Variants in VOPP1 observed in about 807,000 individuals in gnomAD.
The protein encoded by VOPP1 is WW domain binding protein VOPP1.
A neutral mutation model predicts 23.5 loss-of-function variants in VOPP1; 8 were observed. The ratio of observed to expected loss-of-function variants is 0.34; its 90% CI spans 0.20 to 0.61. The LOEUF is 0.61. Among genes scored for constraint, VOPP1 ranks in the 20% least tolerant of loss-of-function variants. The pLI is 0.78. For missense variants in VOPP1, 174 were observed against 238.1 expected, an observed-to-expected ratio of 0.73 and a Z score of 1.77; for synonymous variants, 83 against 97.3, an observed-to-expected ratio of 0.85 and a Z score of 0.86.
At chr7:55,465,482 C>G (rs1053056419) in intron 4 of VOPP1, among the ~76,000 whole-genome samples, 2 of 152,202 alleles carry the variant, frequency 1.3e-5, no homozygotes, top group Non-Finnish European at 2.9e-5. Context: ...GAGAATGTCT[C>G]AAGAAAATTC....
chr7:55,439,073 C>T lies in VOPP1; in HGVS notation n.418-2899G>A, dbSNP rs140619865. 5.8e-3 allele frequency among the ~76,000 whole-genome samples: 884 copies of T among 152,144 alleles called. 8 individuals are homozygous for T. Among genetic ancestry groups the T allele is most frequent in the African/African-American group, 0.019 (808 of 41,514 alleles). On this transcript the variant is annotated intron_variant and non_coding_transcript_variant, in intron 4 of 4. Transcript: ENST00000462326. Reference sequence around the variant, plus strand: ...TGAGTTCAAGGTGGTTTATTAGAGGCGGGCGAGTCTGGAGTTTGGAGGGAA... The same window carrying T: ...TGAGTTCAAGGTGGTTTATTAGAGGTGGGCGAGTCTGGAGTTTGGAGGGAA...
chr7:55,461,468 G>A (rs1791499715), intron 4 of VOPP1, among the ~76,000 whole-genome samples: 2 of 152,186 alleles, frequency 1.3e-5, no homozygotes, highest in African/African-American at 4.8e-5. Context: ...CTGGAGTGCA[G>A]TGGCACAATC....
intron 2 of VOPP1, among the ~76,000 whole-genome samples, chr7:55,508,947 G>A (rs75323067): frequency 5.9e-5 from 9 of 152,318 alleles, no homozygotes; most frequent in Non-Finnish European, 1.2e-4. Context: ...AGAGGCTGAG[G>A]TGAGAGGATC....
chr7:55,542,569 C>A (rs1164440025), intron 1 of VOPP1, among the ~76,000 whole-genome samples: 1 of 152,186 alleles, frequency 6.6e-6, no homozygotes, highest in Admixed American at 6.5e-5. Context: ...GCGGGCAGAT[C>A]ACTTGAGGTC....
intron 1 of VOPP1, among the ~76,000 whole-genome samples, chr7:55,525,713 A>C (rs1213179042): frequency 6.6e-6 from 1 of 151,464 alleles, no homozygotes; most frequent in South Asian, 2.1e-4. Context: ...TCGAGAACAA[A>C]GGTTCTAAAT....
chr7:55,492,192 GGCAGTACCCTTTCTGCA>G, intron 4 of VOPP1, 73 bp downstream of exon 4: 2 of 1,474,134 alleles, frequency 1.4e-6, no homozygotes, highest in Non-Finnish European at 1.8e-6. Context: ...GCTCTCTTCT[GGCAGTACCCTTTCTGCA>G]GCAGTACCCT....
chr7:55,510,495 T>C (rs183319315), intron 2 of VOPP1, among the ~76,000 whole-genome samples: 18 of 152,112 alleles, frequency 1.2e-4, no homozygotes, highest in African/African-American at 3.4e-4. Context: ...TGTCATGCTT[T>C]AAGGCCCAGG....
At chr7:55,460,126 G>A (rs1022214773) in intron 4 of VOPP1, among the ~76,000 whole-genome samples, 140 of 151,894 alleles carry the variant, frequency 9.2e-4, no homozygotes, top group African/African-American at 3.3e-3. Context: ...TTTCTTCATC[G>A]ACCCAGTGGT....
intron 2 of VOPP1, among the ~76,000 whole-genome samples, chr7:55,520,479 C>G (rs957145887): frequency 6.6e-6 from 1 of 152,086 alleles, no homozygotes; most frequent in Non-Finnish European, 1.5e-5. Flanking sequence ...TACAAACACA[C>G]GAAAACGACA....
chr7:55,443,942 C>A lies in VOPP1; in HGVS notation n.418-7768G>T, dbSNP rs112151919. ...ACATGCATGAGCCACCATGCCTGGC[C>A]TATTGTAATTTTTAATTCAGATTGA... On this transcript the variant is annotated intron_variant and non_coding_transcript_variant, in intron 4 of 4. Coordinates refer to the VOPP1 transcript ENST00000462326. 3.8e-3 allele frequency among the ~76,000 whole-genome samples: 573 copies of A among 152,234 alleles called. 6 individuals are homozygous for A. The highest frequency in any genetic ancestry group is 6.8e-3 in the Non-Finnish European group (462 of 68,016).
chr7:55,551,139 A>G lies in VOPP1; in HGVS notation c.54+21132T>C, dbSNP rs1259480851. 2.0e-5 allele frequency among the ~76,000 whole-genome samples: 3 copies of G among 152,196 alleles called. No individual in the cohort carries two copies. In the East Asian group the frequency reaches 5.8e-4, roughly 29 times the overall value. On this transcript the variant is annotated intron_variant, in intron 1 of 4. Transcript: ENST00000285279. Reference sequence around the variant, plus strand: ...CCATGAGCCCTACCATCCCGCAGACATAACTTCCCTCATCAGCCATAGCAT... The same window carrying G: ...CCATGAGCCCTACCATCCCGCAGACGTAACTTCCCTCATCAGCCATAGCAT...
At chr7:55,502,413 C>T (rs2129028823) in intron 2 of VOPP1, among the ~76,000 whole-genome samples, 1 of 152,344 alleles carries the variant, frequency 6.6e-6, no homozygotes, top group Middle Eastern at 3.4e-3. Flanking sequence ...CACAGGAACC[C>T]TTTATGCTCC....
chr7:55,492,758 A>T, intron 3 of VOPP1: 1 of 191,632 alleles, frequency 5.2e-6, no homozygotes, highest in Admixed American at 6.1e-5. Context: ...CCTCAGCTCG[A>T]CATTTTAGTT....
At chr7:55,480,890 C>T (rs142429832) in intron 4 of VOPP1, among the ~76,000 whole-genome samples, 1 of 137,178 alleles carries the variant, frequency 7.3e-6, no homozygotes, top group Admixed American at 6.9e-5. Flanking sequence ...TCAGTTCTCA[C>T]GTTACTTGCA....
chr7:55,456,709 G>A (rs1093251), intron 4 of VOPP1, among the ~76,000 whole-genome samples: 48,831 of 151,868 alleles, frequency 0.32, 8,429 homozygotes, highest in East Asian at 0.52. Context: ...ACAGAAAACC[G>A]AACACCGCAT....
intron 1 of VOPP1, among the ~76,000 whole-genome samples, chr7:55,531,261 A>G (rs1364179579): frequency 6.6e-6 from 1 of 152,186 alleles, no homozygotes; most frequent in Non-Finnish European, 1.5e-5. Context: ...ATAAATGAAT[A>G]TGATAAACCT....
chr7:55,489,437 A>T (rs1430340860), intron 4 of VOPP1, among the ~76,000 whole-genome samples: 1 of 152,164 alleles, frequency 6.6e-6, no homozygotes, highest in Non-Finnish European at 1.5e-5. Context: ...GCCTTCCTGG[A>T]GTTGTGCACC....
intron 4 of VOPP1, among the ~76,000 whole-genome samples, chr7:55,462,663 T>TCTGTTTGGTTC (rs1402766954): frequency 3.4e-5 from 5 of 145,758 alleles, no homozygotes; most frequent in Non-Finnish European, 6.2e-5. Context: ...ATATTTTTTT[T>TCTGTTTGGTTC]TTTTTTTTTT....
chr7:55,524,967 G>A (rs1425315699), intron 1 of VOPP1, among the ~76,000 whole-genome samples: 5 of 152,150 alleles, frequency 3.3e-5, no homozygotes, highest in Non-Finnish European at 4.4e-5. Context: ...GGGATCTTCA[G>A]AGTACTCCCA....
Sources: gnomAD v4.1 joint callset for allele counts (sites outside exome capture counted in the v4.1 genomes callset) on GRCh38, gnomAD v4.1.1 for gene constraint, MANE v1.5 for transcripts, NCBI Gene and HGNC (gene_info 2026-07-23, HGNC 2026-07-21) for gene names.